The following GALNTL6 variants were observed in gnomAD, a reference collection of about 807,000 sequenced individuals.
GALNTL6 encodes the protein polypeptide N-acetylgalactosaminyltransferase-like 6.
A neutral mutation model predicts 73.7 loss-of-function variants in GALNTL6; 46 were observed. The observed-to-expected ratio is 0.62, with a 90% CI of 0.49 to 0.80. The LOEUF is 0.80. Among genes scored for constraint, GALNTL6 ranks in the 30% least tolerant of loss-of-function variants. GALNTL6 has a pLI of 0.00. For synonymous variants in GALNTL6, 259 were observed against 263.7 expected (o/e 0.98, Z 0.17); for missense variants, 604 against 755.0 (o/e 0.80, Z 2.34).
intron 5 of GALNTL6, among the ~76,000 whole-genome samples, chr4:172,485,547 A>G (rs1259944996): frequency 6.6e-6 from 1 of 152,124 alleles, no homozygotes; most frequent in Non-Finnish European, 1.5e-5. Context: ...CTATTCAGAG[A>G]TCTACCCTGT....
intron 5 of GALNTL6, among the ~76,000 whole-genome samples, chr4:172,499,668 A>G (rs1349488929): frequency 1.3e-5 from 2 of 152,238 alleles, no homozygotes; most frequent in Non-Finnish European, 2.9e-5. Flanking sequence ...AAAAGATTCA[A>G]AGCATTGTAC....
At chr4:172,407,044 G>A (rs1257769260) in intron 5 of GALNTL6, among the ~76,000 whole-genome samples, 2 of 151,828 alleles carry the variant, frequency 1.3e-5, no homozygotes, top group African/African-American at 4.8e-5. Flanking sequence ...TGATTTGTGT[G>A]TTTAAATTTT....
intron 2 of GALNTL6, among the ~76,000 whole-genome samples, chr4:171,880,852 G>C (rs1416808086): frequency 6.6e-6 from 1 of 152,032 alleles, no homozygotes; most frequent in African/African-American, 2.4e-5. Context: ...AAGTCACTTT[G>C]TCAAAATTAG....
At chr4:172,977,945 T>C (rs1750896233) in intron 10 of GALNTL6, among the ~76,000 whole-genome samples, 1 of 152,168 alleles carries the variant, frequency 6.6e-6, no homozygotes, top group Non-Finnish European at 1.5e-5. Context: ...GTCCAAGTGA[T>C]TCTCCTGTCT....
chr4:172,398,098 A>G (rs1001071677), intron 5 of GALNTL6, among the ~76,000 whole-genome samples: 4 of 152,078 alleles, frequency 2.6e-5, no homozygotes, highest in African/African-American at 9.7e-5. Flanking sequence ...TTTCTTCATC[A>G]CCATACTGTT....
chr4:172,733,104 C>T (rs1736249178), intron 5 of GALNTL6, among the ~76,000 whole-genome samples: 1 of 152,196 alleles, frequency 6.6e-6, no homozygotes, highest in South Asian at 2.1e-4. Context: ...GCATTTCTTG[C>T]AAAACGGGTC....
chr4:172,498,772 T>C (rs1201620397), intron 5 of GALNTL6, among the ~76,000 whole-genome samples: 1 of 152,174 alleles, frequency 6.6e-6, no homozygotes, highest in Non-Finnish European at 1.5e-5. Flanking sequence ...CGATGTATGA[T>C]GAACAGGTTT....
chr4:172,226,857 C>T (rs944874908), intron 2 of GALNTL6, among the ~76,000 whole-genome samples: 3 of 152,128 alleles, frequency 2.0e-5, no homozygotes, highest in Non-Finnish European at 4.4e-5. Context: ...CAGGAACTCT[C>T]TCTGATTCTC....
chr4:171,840,042 G>C (rs1735198594), intron 2 of GALNTL6, among the ~76,000 whole-genome samples: 1 of 152,110 alleles, frequency 6.6e-6, no homozygotes, highest in Admixed American at 6.6e-5. Context: ...CTTAGGCTAG[G>C]TAAATTACTG....
chr4:172,233,003 T>C (rs1737121452), intron 3 of GALNTL6, among the ~76,000 whole-genome samples: 1 of 152,122 alleles, frequency 6.6e-6, no homozygotes, highest in African/African-American at 2.4e-5. Flanking sequence ...GTTTTCAATT[T>C]TGAGGTAGCC....
intron 2 of GALNTL6, among the ~76,000 whole-genome samples, chr4:171,994,252 A>G (rs1404463666): frequency 1.5e-4 from 23 of 152,090 alleles, no homozygotes; most frequent in Admixed American, 1.5e-3. Flanking sequence ...CCACTCAAAC[A>G]TTGCTAATAC....
chr4:172,969,798 T>G (rs1487800489), intron 10 of GALNTL6, among the ~76,000 whole-genome samples: 1 of 152,226 alleles, frequency 6.6e-6, no homozygotes. Flanking sequence ...GTAGGATGTT[T>G]GAGAGGTGAT....
intron 5 of GALNTL6, among the ~76,000 whole-genome samples, chr4:172,720,508 C>T (rs1469413619): frequency 6.6e-6 from 1 of 152,176 alleles, no homozygotes; most frequent in African/African-American, 2.4e-5. Flanking sequence ...CAGTTTTACC[C>T]AGCTCCTATT....
intron 2 of GALNTL6, among the ~76,000 whole-genome samples, chr4:171,928,764 C>A (rs114370615): frequency 3.3e-4 from 50 of 152,228 alleles, no homozygotes; most frequent in African/African-American, 1.2e-3. Flanking sequence ...GTATTGAGTA[C>A]AGTAACATGC....
intron 2 of GALNTL6, among the ~76,000 whole-genome samples, chr4:171,869,556 A>G (rs1578926648): frequency 6.6e-6 from 1 of 152,258 alleles, no homozygotes; most frequent in East Asian, 1.9e-4. Flanking sequence ...ACAAATTTTT[A>G]CTGCATTGCA....
chr4:172,514,863 T>A (rs1178374446), intron 5 of GALNTL6, among the ~76,000 whole-genome samples: 1 of 152,172 alleles, frequency 6.6e-6, no homozygotes, highest in Non-Finnish European at 1.5e-5. Flanking sequence ...CCTTCTCCCA[T>A]GATCTGGATT....
chr4:172,725,761 T>C (rs1234447346), intron 5 of GALNTL6, among the ~76,000 whole-genome samples: 1 of 152,196 alleles, frequency 6.6e-6, no homozygotes, highest in Non-Finnish European at 1.5e-5. Flanking sequence ...GTGAAAAAAA[T>C]TATTCATTCT....
At chr4:172,647,797 C>T (rs899054162) in intron 5 of GALNTL6, among the ~76,000 whole-genome samples, 5 of 151,948 alleles carry the variant, frequency 3.3e-5, no homozygotes, top group African/African-American at 1.2e-4. Flanking sequence ...TTCATGATTG[C>T]CAAAGGAGGT....
At chr4:173,023,550 G>A (rs139831276) in intron 12 of GALNTL6, among the ~76,000 whole-genome samples, 3,516 of 152,168 alleles carry the variant, frequency 0.023, 71 homozygotes, top group Non-Finnish European at 0.031. Flanking sequence ...CCAGCTACTC[G>A]GGAGGCTGAG....
Sources: allele counts gnomAD v4.1 joint callset (sites outside exome capture counted in the v4.1 genomes callset), GRCh38; gene constraint gnomAD v4.1.1; transcripts MANE v1.5; gene names NCBI Gene and HGNC (gene_info 2026-07-23, HGNC 2026-07-21).